The following HNMT variants were observed in gnomAD, a reference collection of about 807,000 sequenced individuals.
HNMT encodes the protein histamine N-methyltransferase.
Under a neutral mutation model 32.1 loss-of-function variants are expected in HNMT, and 30 were observed. The ratio of observed to expected loss-of-function variants is 0.93; its 90% CI spans 0.70 to 1.27. The LOEUF (loss-of-function observed/expected upper bound fraction) is 1.27. Among genes scored for constraint, HNMT ranks in the 50% most tolerant of loss-of-function variants. The pLI is 0.00. For synonymous variants in HNMT, 125 were observed against 119.0 expected (o/e 1.05, Z -0.33); for missense variants, 327 against 346.0 (o/e 0.95, Z 0.43).
chr2:137,982,140 C>T (rs531751561), intron 2 of HNMT, among the ~76,000 whole-genome samples: 24 of 152,280 alleles, frequency 1.6e-4, no homozygotes, highest in African/African-American at 4.6e-4. Context: ...GGAGCCACTG[C>T]GCCCAGCCTT....
At chr2:137,993,894 AC>A (rs1680903388) in intron 2 of HNMT, among the ~76,000 whole-genome samples, 1 of 152,160 alleles carries the variant, frequency 6.6e-6, no homozygotes, top group African/African-American at 2.4e-5. Flanking sequence ...AAAAAATTCA[AC>A]CTAGAATTTC....
At chr2:138,008,480 T>A (rs972087823) in intron 5 of HNMT, among the ~76,000 whole-genome samples, 1 of 151,988 alleles carries the variant, frequency 6.6e-6, no homozygotes, top group Non-Finnish European at 1.5e-5. Context: ...GACAGAATGA[T>A]TAATATTCCT....
chr2:137,969,762 G>GT, intron 1 of HNMT, among the ~76,000 whole-genome samples: 1 of 152,120 alleles, frequency 6.6e-6, no homozygotes, highest in African/African-American at 2.4e-5. Context: ...TAAAAGGAAG[G>GT]TTAAAAAAAG....
intron 2 of HNMT, among the ~76,000 whole-genome samples, chr2:137,972,624 C>A (rs1166804377): frequency 6.6e-6 from 1 of 151,974 alleles, no homozygotes; most frequent in Non-Finnish European, 1.5e-5. Context: ...TACTTTAAGT[C>A]CCCAAAATTA....
At chr2:138,010,405 T>C (rs1681458903) in intron 5 of HNMT, among the ~76,000 whole-genome samples, 1 of 146,028 alleles carries the variant, frequency 6.8e-6, no homozygotes, top group Admixed American at 7.0e-5. Context: ...TGAAGTTTAA[T>C]AAATAGGAAT....
At chr2:137,974,453 C>G (rs1432381399) in intron 2 of HNMT, among the ~76,000 whole-genome samples, 1 of 151,998 alleles carries the variant, frequency 6.6e-6, no homozygotes, top group Non-Finnish European at 1.5e-5. Flanking sequence ...TGTCTTCATG[C>G]TAGATGGTAC....
Position 138,016,055 on chromosome 2 carries a change from C to A in HNMT, c.*1925C>A, listed in dbSNP as rs1436739386. ...GTATAAATTCAAGGGATAAACCTATCCCTGTTTTCTTCCTGCACTGTATGA... is the reference window on the plus strand; with the variant it reads ...GTATAAATTCAAGGGATAAACCTATACCTGTTTTCTTCCTGCACTGTATGA... On this transcript the variant is annotated 3_prime_UTR_variant, in exon 6 of 6. Coordinates refer to ENST00000280097, the MANE Select transcript of HNMT (RefSeq NM_006895.3). The A allele has an allele frequency of 6.6e-6, 1 of 152,100 alleles. No homozygotes were observed. The highest frequency in any genetic ancestry group is 1.9e-4 in the East Asian group (1 of 5,176). 9.4% of individuals were successfully genotyped at this position (152,100 alleles called of 1,614,324 possible). A position where few individuals can be genotyped will look rare whatever the true frequency, so the allele number is the denominator to read the frequency against.
intron 2 of HNMT, among the ~76,000 whole-genome samples, chr2:137,980,859 G>C (rs1680472397): frequency 6.6e-6 from 1 of 152,092 alleles, no homozygotes; most frequent in South Asian, 2.1e-4. Context: ...GAGATAGAGA[G>C]AGAAAAAGAG....
chr2:137,999,768 A>C (rs1038180393), intron 2 of HNMT, among the ~76,000 whole-genome samples: 2 of 152,154 alleles, frequency 1.3e-5, no homozygotes, highest in Non-Finnish European at 2.9e-5. Context: ...AGATATTTTC[A>C]AATAGATGTA....
intron 2 of HNMT, 59 bp downstream of exon 2, chr2:137,970,276 A>G (rs1259689362): frequency 6.3e-5 from 61 of 962,730 alleles, no homozygotes; most frequent in Non-Finnish European, 1.5e-5. Flanking sequence ...CTGTGTGATG[A>G]CAATATTGTT....
In HNMT at chr2:138,013,887, G is replaced by T. The variant is rs1681584804; in HGVS notation, c.636G>T (p.Gly212=). 2 of 1,613,614 alleles carry T rather than the reference G, an allele frequency of 1.2e-6. No homozygotes were observed. The highest frequency in any genetic ancestry group is 2.7e-5 in the African/African-American group (2 of 74,862). ...DDLTQMLDNL[G]LKYECYDLLS... Reference sequence around the variant, plus strand: ...TCACTCAGATGCTGGACAACCTAGGGCTTAAGTATGAGTGCTATGACCTTT... The same window carrying T: ...TCACTCAGATGCTGGACAACCTAGGTCTTAAGTATGAGTGCTATGACCTTT... The change falls in exon 6 of 6, where the codon GGG becomes GGT. Residue 212 remains glycine, a synonymous_variant. Coordinates refer to ENST00000280097, the MANE Select transcript of HNMT (RefSeq NM_006895.3).
intron 2 of HNMT, among the ~76,000 whole-genome samples, chr2:137,985,248 C>T (rs1680619366): frequency 6.6e-6 from 1 of 151,938 alleles, no homozygotes; most frequent in Non-Finnish European, 1.5e-5. Context: ...GCTCTAACTC[C>T]ATCCCTTGAC....
At chr2:138,000,516 A>C (rs188644987) in intron 2 of HNMT, among the ~76,000 whole-genome samples, 42 of 148,694 alleles carry the variant, frequency 2.8e-4, no homozygotes, top group African/African-American at 1.0e-3. Flanking sequence ...TCTGAGGTGC[A>C]TTTTTTTTTC....
chr2:137,982,761 T>C (rs1054343419), intron 2 of HNMT, among the ~76,000 whole-genome samples: 1 of 152,228 alleles, frequency 6.6e-6, no homozygotes, highest in Non-Finnish European at 1.5e-5. Context: ...TAAAAAGTGT[T>C]TTCTTTCCCT....
rs1352294134 is a variant in HNMT at position 137,967,231 on chromosome 2, C to A, written c.137+2603C>A. 4 of 679,384 alleles carry A rather than the reference C, an allele frequency of 5.9e-6. No individual in the cohort carries two copies. The East Asian group carries it at 1.1e-4, about 18-fold the overall frequency. 42.1% of individuals were successfully genotyped at this position (679,384 alleles called of 1,614,324 possible). ...TTTGAGACCAGCCTGGGCAACATAG[C>A]AAGATCCCATCTCTACAAAAAAGTG... On this transcript the variant is annotated intron_variant, in intron 1 of 5. Transcript: ENST00000280097.
At chr2:137,978,335 T>C (rs1324641497) in intron 2 of HNMT, among the ~76,000 whole-genome samples, 1 of 146,974 alleles carries the variant, frequency 6.8e-6, no homozygotes, top group Non-Finnish European at 1.5e-5. Flanking sequence ...TACATAATTA[T>C]ATAATATATG....
chr2:138,010,451 A>G (rs1455160), intron 5 of HNMT, among the ~76,000 whole-genome samples: 3,386 of 130,684 alleles, frequency 0.026, 135 homozygotes, highest in African/African-American at 0.1. Flanking sequence ...GCACACACAC[A>G]CACACACACA....
intron 2 of HNMT, among the ~76,000 whole-genome samples, chr2:137,997,916 G>A (rs978524576): frequency 6.6e-6 from 1 of 152,024 alleles, no homozygotes; most frequent in African/African-American, 2.4e-5. Flanking sequence ...AAACTAACAG[G>A]AACAGAGAAC....
intron 2 of HNMT, among the ~76,000 whole-genome samples, chr2:137,980,061 A>C (rs1680441750): frequency 6.8e-6 from 1 of 148,046 alleles, no homozygotes; most frequent in Middle Eastern, 3.3e-3. Context: ...TTTGAGACAG[A>C]GTCTCCCTCT....
Sources: gnomAD v4.1 joint callset for allele counts (sites outside exome capture counted in the v4.1 genomes callset) on GRCh38, gnomAD v4.1.1 for gene constraint, MANE v1.5 for transcripts, NCBI Gene and HGNC (gene_info 2026-07-23, HGNC 2026-07-21) for gene names.